The following CTNNA3 variants were observed in gnomAD, a reference collection of about 807,000 sequenced individuals.
CTNNA3 encodes catenin alpha 3.
Under a neutral mutation model 95.7 loss-of-function variants are expected in CTNNA3, and 76 were observed. The ratio of observed to expected loss-of-function variants is 0.79; its 90% CI spans 0.66 to 0.96. CTNNA3 has a LOEUF of 0.96. Ranked by LOEUF, CTNNA3 falls within the 40% of genes least tolerant of loss-of-function variation. The pLI is 0.00. For synonymous variants in CTNNA3, 431 were observed against 374.4 expected (o/e 1.15, Z -1.74); for missense variants, 1,191 against 1,089.8 (o/e 1.09, Z -1.31).
At chr10:66,086,252 A>G (rs1217841184) in intron 14 of CTNNA3, among the ~76,000 whole-genome samples, 1 of 152,108 alleles carries the variant, frequency 6.6e-6, no homozygotes. Flanking sequence ...ATGTCTATAA[A>G]TGAGCACAAA....
chr10:67,101,285 G>C (rs1398254786), intron 7 of CTNNA3, among the ~76,000 whole-genome samples: 2 of 151,670 alleles, frequency 1.3e-5, no homozygotes, highest in Non-Finnish European at 3.0e-5. Context: ...GAGATCCATA[G>C]TACAGGGTTG....
At chr10:66,357,607 A>G (rs4309050) in intron 12 of CTNNA3, among the ~76,000 whole-genome samples, 138,201 of 152,152 alleles carry the variant, frequency 0.91, 62,956 homozygotes, top group East Asian at 1. Context: ...CATAAAATAT[A>G]TAGTGTTTGA....
chr10:66,901,935 T>G (rs554613991), intron 7 of CTNNA3, among the ~76,000 whole-genome samples: 1 of 152,276 alleles, frequency 6.6e-6, no homozygotes, highest in East Asian at 1.9e-4. Flanking sequence ...AATGAGAGAC[T>G]TTAACACACC....
chr10:66,233,322 T>A (rs534221463), intron 13 of CTNNA3, among the ~76,000 whole-genome samples: 1 of 152,092 alleles, frequency 6.6e-6, no homozygotes, highest in South Asian at 2.1e-4. Context: ...AAAGGGAACA[T>A]CTAATTGATG....
chr10:66,424,875 T>C (rs1357618533), intron 11 of CTNNA3, among the ~76,000 whole-genome samples: 1 of 152,010 alleles, frequency 6.6e-6, no homozygotes, highest in Non-Finnish European at 1.5e-5. Flanking sequence ...TATTCTATCA[T>C]GAGGCTGAGG....
rs1301517552 is a variant in CTNNA3 at position 66,023,547 on chromosome 10, A to AG, written c.2160-34751dup. Among the ~76,000 whole-genome samples, 3 of 152,218 alleles carry AG rather than the reference A, an allele frequency of 2.0e-5. 1 individual carries two copies. The highest frequency in any genetic ancestry group is 4.4e-5 in the Non-Finnish European group (3 of 68,036). ...GTGAAATACATTGCTCTCTTACTAA[A>AG]GAAATATAGATATTAGATAAATTAA... is the stretch of plus-strand genomic sequence containing the variant. On this transcript the variant is annotated intron_variant, in intron 15 of 17. Transcript: ENST00000433211.
chr10:67,370,905 C>T (rs1410150511), intron 5 of CTNNA3, among the ~76,000 whole-genome samples: 5 of 142,242 alleles, frequency 3.5e-5, no homozygotes, highest in South Asian at 4.4e-4. Flanking sequence ...CTCGCTCTGT[C>T]GCCCAGGCTG....
At position 66,610,800 on chromosome 10, in the gene CTNNA3, T is replaced by C. The variant is rs193186730; in HGVS notation, c.1374+10892A>G. Among the ~76,000 whole-genome samples the C allele has an allele frequency of 8.0e-4, 122 of 152,040 alleles. 1 individual carries two copies. In the East Asian group the frequency reaches 0.016, roughly 20 times the overall value. On this transcript the variant is annotated intron_variant, in intron 10 of 17. Transcript: ENST00000433211. ...GATATATAGCCCCAAAGAAAGGAAA[T>C]CAATATGTTAAAGAGGTATCTGTAC...
At chr10:67,690,564 C>A (rs561513370) in intron 1 of CTNNA3, among the ~76,000 whole-genome samples, 1 of 152,008 alleles carries the variant, frequency 6.6e-6, no homozygotes, top group African/African-American at 2.4e-5. Context: ...AGACACAGAG[C>A]GCTGATTGGT....
intron 13 of CTNNA3, among the ~76,000 whole-genome samples, chr10:66,194,923 A>G (rs538921480): frequency 7.9e-5 from 12 of 152,330 alleles, no homozygotes; most frequent in African/African-American, 2.4e-4. Flanking sequence ...TATGCAATCA[A>G]TGCAAAGGAA....
Position 67,405,901 on chromosome 10 carries a change from A to T in CTNNA3, c.579+115941T>A, listed in dbSNP as rs116963536. ...ATTAGAAATCAAGATTAAGAAATGCATTCAAACCCACATAATATGGTTTGG... is the reference window on the plus strand; with the variant it reads ...ATTAGAAATCAAGATTAAGAAATGCTTTCAAACCCACATAATATGGTTTGG... On this transcript the variant is annotated intron_variant, in intron 5 of 17. Coordinates refer to ENST00000433211, the MANE Select transcript of CTNNA3 (RefSeq NM_013266.4). Among the ~76,000 whole-genome samples the T allele has an allele frequency of 1.8e-4, 27 of 152,338 alleles. 1 individual carries two copies. The East Asian group carries it at 5.2e-3, about 29-fold the overall frequency.
At chr10:66,350,314 T>C (rs980786813) in intron 12 of CTNNA3, among the ~76,000 whole-genome samples, 1 of 152,130 alleles carries the variant, frequency 6.6e-6, no homozygotes, top group African/African-American at 2.4e-5. Context: ...AGCTTGCTTT[T>C]TGCTGTCACT....
At chr10:67,657,869 AG>A (rs1391611343) in intron 1 of CTNNA3, among the ~76,000 whole-genome samples, 12 of 149,308 alleles carry the variant, frequency 8.0e-5, no homozygotes, top group Non-Finnish European at 1.5e-5. Context: ...AAAAAAAAAA[AG>A]ACAAGACAAG....
chr10:66,825,764 A>G (rs1842485168), intron 7 of CTNNA3, among the ~76,000 whole-genome samples: 1 of 151,926 alleles, frequency 6.6e-6, no homozygotes, highest in South Asian at 2.1e-4. Context: ...AAGTCATCTC[A>G]CTGTCCCAGG....
At chr10:67,148,207 T>C (rs991714382) in intron 7 of CTNNA3, among the ~76,000 whole-genome samples, 1 of 152,192 alleles carries the variant, frequency 6.6e-6, no homozygotes, top group African/African-American at 2.4e-5. Flanking sequence ...CAAAAATACA[T>C]TGTTCCCAGA....
At chr10:66,545,642 T>G (rs763921934) in intron 10 of CTNNA3, among the ~76,000 whole-genome samples, 2 of 152,054 alleles carry the variant, frequency 1.3e-5, no homozygotes, top group African/African-American at 4.8e-5. Flanking sequence ...ACTGATGTAG[T>G]CTCCCAGCAA....
In CTNNA3 at chr10:67,563,221, A is replaced by G. The variant is rs931159771; in HGVS notation, c.293-23552T>C. On this transcript the variant is annotated intron_variant, in intron 3 of 17. Transcript: ENST00000433211. Reference sequence around the variant, plus strand: ...AAAAGAACAAAGCTGGAGGCATCACACTACCTGACTTCAAACTATACTACA... The same window carrying G: ...AAAAGAACAAAGCTGGAGGCATCACGCTACCTGACTTCAAACTATACTACA... 6.5e-3 allele frequency among the ~76,000 whole-genome samples: 905 copies of G among 138,888 alleles called. 2 individuals are homozygous for G. The highest frequency in any genetic ancestry group is 0.01 in the African/African-American group (340 of 32,910). The allele number at this position is 138,888 out of a possible 152,430, so 91.1% of individuals were successfully genotyped here.
chr10:65,923,795 A>G (rs1368954314), intron 17 of CTNNA3, among the ~76,000 whole-genome samples: 1 of 152,204 alleles, frequency 6.6e-6, no homozygotes, highest in African/African-American at 2.4e-5. Context: ...TGCATGAAAT[A>G]ACTAAAAGAA....
chr10:66,355,910 T>C (rs2132406308), intron 12 of CTNNA3, among the ~76,000 whole-genome samples: 1 of 151,828 alleles, frequency 6.6e-6, no homozygotes, highest in Middle Eastern at 3.4e-3. Context: ...ATGTCTAAAT[T>C]GTTCCAGCAC....
Sources: allele counts gnomAD v4.1 joint callset (sites outside exome capture counted in the v4.1 genomes callset), GRCh38; gene constraint gnomAD v4.1.1; transcripts MANE v1.5; gene names NCBI Gene and HGNC (gene_info 2026-07-23, HGNC 2026-07-21).